The following NELL1 variants were observed in gnomAD, a reference collection of about 807,000 sequenced individuals.
The protein encoded by NELL1 is protein kinase C-binding protein NELL1.
Under a neutral mutation model 107.4 loss-of-function variants are expected in NELL1, and 76 were observed. The ratio of observed to expected loss-of-function variants is 0.71; its 90% CI spans 0.59 to 0.86. NELL1 has a LOEUF of 0.86. Ranked by LOEUF, NELL1 falls within the 40% of genes least tolerant of loss-of-function variation. The pLI, the probability that NELL1 is intolerant of heterozygous loss-of-function variation, is 0.00. For missense variants in NELL1, 1,024 were observed against 1,005.5 expected (o/e 1.02, Z -0.25); for synonymous variants, 353 against 341.2 (o/e 1.03, Z -0.38).
At chr11:21,565,311 C>CTT (rs1487972088) in intron 17 of NELL1, among the ~76,000 whole-genome samples, 2 of 151,926 alleles carry the variant, frequency 1.3e-5, no homozygotes, top group African/African-American at 4.8e-5. Flanking sequence ...TTCCCTGACT[C>CTT]TTTCCCCTGT....
At chr11:21,098,835 G>A (rs951765957) in intron 12 of NELL1, among the ~76,000 whole-genome samples, 7 of 151,854 alleles carry the variant, frequency 4.6e-5, no homozygotes, top group South Asian at 2.1e-4. Flanking sequence ...TCTGCCTCTC[G>A]TGTATGTGTG....
chr11:20,705,199 T>C (rs903662518), intron 2 of NELL1, among the ~76,000 whole-genome samples: 5 of 152,076 alleles, frequency 3.3e-5, no homozygotes, highest in African/African-American at 4.8e-5. Context: ...GAGCCCACAT[T>C]GCCAAGTCAA....
At chr11:21,154,688 C>A (rs1420396257) in intron 13 of NELL1, among the ~76,000 whole-genome samples, 5 of 151,996 alleles carry the variant, frequency 3.3e-5, no homozygotes, top group African/African-American at 4.8e-5. Flanking sequence ...GCAAGCCTTC[C>A]TGGAAGGAGG....
At chr11:21,448,413 T>A (rs188092143) in intron 15 of NELL1, among the ~76,000 whole-genome samples, 2 of 152,338 alleles carry the variant, frequency 1.3e-5, no homozygotes, top group African/African-American at 2.4e-5. Flanking sequence ...TTCAACTTGC[T>A]AACTACGTTA....
intron 2 of NELL1, among the ~76,000 whole-genome samples, chr11:20,778,482 C>T (rs1400422849): frequency 2.0e-5 from 3 of 148,774 alleles, no homozygotes. Context: ...CTCCAATCTC[C>T]TCCCTTCACC....
chr11:21,133,590 G>A (rs1226394798), intron 13 of NELL1, among the ~76,000 whole-genome samples: 2 of 152,164 alleles, frequency 1.3e-5, no homozygotes, highest in Non-Finnish European at 2.9e-5. Context: ...AAGGTAGCAT[G>A]GGACTGGTGT....
chr11:21,508,914 A>C (rs1234128743), intron 15 of NELL1, among the ~76,000 whole-genome samples: 1 of 152,140 alleles, frequency 6.6e-6, no homozygotes, highest in African/African-American at 2.4e-5. Context: ...AAAAATGATG[A>C]AAATTATTCA....
At chr11:21,118,195 A>G (rs1855282221) in intron 13 of NELL1, among the ~76,000 whole-genome samples, 1 of 151,946 alleles carries the variant, frequency 6.6e-6, no homozygotes, top group Admixed American at 6.6e-5. Flanking sequence ...TGCCAAGATG[A>G]AGTGTTTGAA....
intron 3 of NELL1, among the ~76,000 whole-genome samples, chr11:20,813,006 C>CAAAAAAAAAAAA (rs869187456): frequency 1.6e-4 from 10 of 61,236 alleles, no homozygotes; most frequent in African/African-American, 4.8e-4. Flanking sequence ...GACTCCGTCT[C>CAAAAAAAAAAAA]AAAAAAAAAA....
chr11:20,852,859 T>C (rs1333913132), intron 4 of NELL1, among the ~76,000 whole-genome samples: 2 of 152,204 alleles, frequency 1.3e-5, no homozygotes, highest in South Asian at 2.1e-4. Context: ...GCTAGGAAGA[T>C]AGGACATATT....
chr11:21,512,463 G>A (rs1026118140), intron 15 of NELL1, among the ~76,000 whole-genome samples: 3 of 151,990 alleles, frequency 2.0e-5, no homozygotes, highest in Non-Finnish European at 2.9e-5. Flanking sequence ...TATACTTACA[G>A]TGCTTGATAT....
intron 15 of NELL1, among the ~76,000 whole-genome samples, chr11:21,532,199 G>T (rs1316546942): frequency 6.6e-6 from 1 of 152,120 alleles, no homozygotes; most frequent in East Asian, 1.9e-4. Context: ...GCAAGCCAGG[G>T]ATTCCCTAGT....
chr11:21,034,226 A>G (rs1440689870), intron 12 of NELL1, among the ~76,000 whole-genome samples: 1 of 152,126 alleles, frequency 6.6e-6, no homozygotes, highest in Admixed American at 6.6e-5. Flanking sequence ...TCTTCTGCCC[A>G]TGGCTTCCCA....
intron 2 of NELL1, among the ~76,000 whole-genome samples, chr11:20,737,583 G>A (rs913692815): frequency 5.9e-5 from 9 of 151,990 alleles, no homozygotes; most frequent in African/African-American, 2.2e-4. Flanking sequence ...TAGTACTGTG[G>A]TAAGGATTAA....
chr11:21,170,246 A>G, intron 13 of NELL1: 1 of 409,054 alleles, frequency 2.4e-6, no homozygotes, highest in Non-Finnish European at 4.5e-6. Flanking sequence ...TTGGTTCATA[A>G]CTACAAGGGT....
intron 14 of NELL1, among the ~76,000 whole-genome samples, chr11:21,361,259 ATTT>A (rs59239329): frequency 0.025 from 2,830 of 113,576 alleles, 49 homozygotes; most frequent in African/African-American, 0.071. Context: ...TTGTGTGACA[ATTT>A]TTTTTTTTTT....
chr11:21,539,506 C>T (rs1021979669), intron 16 of NELL1, among the ~76,000 whole-genome samples: 1 of 151,700 alleles, frequency 6.6e-6, no homozygotes, highest in East Asian at 2.0e-4. Flanking sequence ...GGAGGTGGCT[C>T]TCAGTGGGAT....
chr11:21,301,539 T>C (rs1245684278), intron 14 of NELL1, among the ~76,000 whole-genome samples: 3 of 152,212 alleles, frequency 2.0e-5, no homozygotes, highest in Non-Finnish European at 4.4e-5. Flanking sequence ...TGCACAAATG[T>C]CTTCTTTTGA....
chr11:21,423,558 T>C (rs1183754993), intron 15 of NELL1, among the ~76,000 whole-genome samples: 1 of 152,144 alleles, frequency 6.6e-6, no homozygotes, highest in Non-Finnish European at 1.5e-5. Flanking sequence ...CCACTCTCAG[T>C]AAAGGATAAT....
Sources: allele counts gnomAD v4.1 joint callset (sites outside exome capture counted in the v4.1 genomes callset), GRCh38; gene constraint gnomAD v4.1.1; transcripts MANE v1.5; gene names NCBI Gene and HGNC (gene_info 2026-07-23, HGNC 2026-07-21).